TMTC1: variants seen among roughly 807,000 people sequenced by gnomAD.
TMTC1 encodes protein O-mannosyl-transferase TMTC1.
TMTC1 carries 73 observed loss-of-function variants against 104.8 expected under a neutral mutation model. That is an observed-to-expected ratio of 0.70 (90% CI 0.58 to 0.85). The LOEUF is 0.85. Among genes scored for constraint, TMTC1 ranks in the 40% least tolerant of loss-of-function variants. The pLI is 0.00. For missense variants in TMTC1, 1,035 were observed against 1,096.1 expected (o/e 0.94, Z 0.79); for synonymous variants, 434 against 428.7 (o/e 1.01, Z -0.15).
chr12:29,584,510 T>C (rs1025665251), intron 7 of TMTC1, among the ~76,000 whole-genome samples: 1 of 152,156 alleles, frequency 6.6e-6, no homozygotes, highest in Non-Finnish European at 1.5e-5. Context: ...GTTACATATG[T>C]ATACATGTGT....
chr12:29,522,584 G>GTGTGTGTA lies in TMTC1; in HGVS notation c.1786-1865_1786-1864insTACACACA, dbSNP rs1369648355. 7.2e-3 allele frequency among the ~76,000 whole-genome samples: 1,083 copies of GTGTGTGTA among 151,038 alleles called. 19 individuals are homozygous for GTGTGTGTA. The highest frequency in any genetic ancestry group is 0.01 in the Non-Finnish European group (677 of 67,690). Reference sequence around the variant, plus strand: ...TGTGTGTGTGTGTGTGTGTGTGTGTGTGTAATGAAGACAGGCAGAACAGAA... The same window carrying GTGTGTGTA: ...TGTGTGTGTGTGTGTGTGTGTGTGTGTGTGTGTATGTAATGAAGACAGGCAGAACAGAA... On this transcript the variant is annotated intron_variant, in intron 11 of 17. Coordinates refer to ENST00000539277, the MANE Select transcript of TMTC1 (RefSeq NM_001193451.2).
At chr12:29,533,048 A>C (rs901352270) in intron 11 of TMTC1, 2 of 152,182 alleles carry the variant, frequency 1.3e-5, no homozygotes, top group African/African-American at 4.8e-5. Flanking sequence ...GAATGCATAG[A>C]AAAGCCTTTT....
At chr12:29,580,083 G>A (rs1436301243) in intron 8 of TMTC1, among the ~76,000 whole-genome samples, 12 of 152,160 alleles carry the variant, frequency 7.9e-5, no homozygotes, top group African/African-American at 2.4e-4. Context: ...GCCCATGTCT[G>A]TAATCCCAGC....
intron 5 of TMTC1, among the ~76,000 whole-genome samples, chr12:29,673,115 G>C (rs1043903046): frequency 6.6e-6 from 1 of 152,088 alleles, no homozygotes; most frequent in South Asian, 2.1e-4. Context: ...GAAGATTTCA[G>C]TTTTATTTCA....
At position 29,526,824 on chromosome 12, in the gene TMTC1, T is replaced by C. The variant is rs568324268; in HGVS notation, c.1786-6104A>G. On this transcript the variant is annotated intron_variant, in intron 11 of 17. Transcript: ENST00000539277. The stretch of plus-strand genomic sequence containing the variant: ...TTTTTTCTCCTGTGGCCTATAATAA[T>C]TTAATATAATAACCATAATTATGAT... Among the ~76,000 whole-genome samples, 3 of 152,306 alleles carry C rather than the reference T, an allele frequency of 2.0e-5. No individual in the cohort carries two copies. In the East Asian group the frequency reaches 5.8e-4, roughly 29 times the overall value.
intron 2 of TMTC1, among the ~76,000 whole-genome samples, chr12:29,760,438 C>A (rs569563753): frequency 1.3e-5 from 2 of 152,196 alleles, no homozygotes; most frequent in African/African-American, 4.8e-5. Context: ...GATGCTAAAC[C>A]TAGGGCATGA....
intron 7 of TMTC1, among the ~76,000 whole-genome samples, chr12:29,585,937 C>T (rs1946121586): frequency 6.6e-6 from 1 of 151,486 alleles, no homozygotes; most frequent in African/African-American, 2.4e-5. Flanking sequence ...TTTTTGGTTC[C>T]ATATGAACTT....
chr12:29,635,058 T>C lies in TMTC1; in HGVS notation c.939-1722A>G, dbSNP rs76686123. Among the ~76,000 whole-genome samples the C allele has an allele frequency of 5.1e-3, 771 of 152,326 alleles. 16 individuals carry two copies. The East Asian group carries it at 0.067, about 13-fold the overall frequency. The stretch of plus-strand genomic sequence containing the variant: ...ACAAAGACATGGGTTGAAAGAGGCA[T>C]GGCTATTTAAATGATGTTCAACTCT... On this transcript the variant is annotated intron_variant, in intron 5 of 17. Coordinates refer to ENST00000539277, the MANE Select transcript of TMTC1 (RefSeq NM_001193451.2).
intron 2 of TMTC1, among the ~76,000 whole-genome samples, chr12:29,763,368 T>C (rs910909915): frequency 4.6e-5 from 7 of 152,188 alleles, no homozygotes; most frequent in African/African-American, 1.7e-4. Context: ...AGCCTAGATA[T>C]CTAAAAACAG....
At chr12:29,731,099 G>A (rs919592485) in intron 5 of TMTC1, among the ~76,000 whole-genome samples, 10 of 152,142 alleles carry the variant, frequency 6.6e-5, no homozygotes, top group Non-Finnish European at 1.2e-4. Flanking sequence ...CAGTGAACTC[G>A]TTTTTACTAA....
intron 5 of TMTC1, among the ~76,000 whole-genome samples, chr12:29,732,824 C>A (rs1452887386): frequency 6.6e-6 from 1 of 152,094 alleles, no homozygotes; most frequent in East Asian, 1.9e-4. Context: ...GAGGCCACTC[C>A]CCACATCCCC....
At position 29,742,176 on chromosome 12, in the gene TMTC1, G is replaced by C. The variant is rs561777865; in HGVS notation, c.938+9490C>G. Among the ~76,000 whole-genome samples the C allele has an allele frequency of 6.6e-5, 10 of 152,208 alleles. No homozygotes were observed. The East Asian group carries it at 1.3e-3, about 21-fold the overall frequency. On this transcript the variant is annotated intron_variant, in intron 5 of 17. Coordinates refer to ENST00000539277, the MANE Select transcript of TMTC1 (RefSeq NM_001193451.2). Reference sequence around the variant, plus strand: ...ACTGAAATATATTGGTTTTTGATTAGTTACCTAGAGCATGTCTAGCTCTTA... The same window carrying C: ...ACTGAAATATATTGGTTTTTGATTACTTACCTAGAGCATGTCTAGCTCTTA...
At chr12:29,650,152 C>T (rs1939448837) in intron 5 of TMTC1, among the ~76,000 whole-genome samples, 1 of 151,124 alleles carries the variant, frequency 6.6e-6, no homozygotes, top group African/African-American at 2.4e-5. Context: ...GGCACGATCT[C>T]AGCTCACTGC....
intron 9 of TMTC1, among the ~76,000 whole-genome samples, chr12:29,559,605 C>T (rs764511729): frequency 5.9e-5 from 9 of 152,176 alleles, no homozygotes; most frequent in Admixed American, 1.3e-4. Context: ...GCTGCAGAAA[C>T]GTGATGCTCA....
At chr12:29,612,522 T>A (rs1413761578) in intron 6 of TMTC1, among the ~76,000 whole-genome samples, 2 of 152,190 alleles carry the variant, frequency 1.3e-5, no homozygotes, top group Admixed American at 1.3e-4. Flanking sequence ...TCAAGCAATT[T>A]TCCCATCTCA....
intron 5 of TMTC1, among the ~76,000 whole-genome samples, chr12:29,656,466 T>G (rs376595937): frequency 6.6e-6 from 1 of 151,712 alleles, no homozygotes; most frequent in Non-Finnish European, 1.5e-5. Context: ...GCGATTCTCC[T>G]GCTTCAGCCT....
rs780703515 is a variant in TMTC1 at position 29,583,418 on chromosome 12, C to A, written c.1407G>T (p.Glu469Asp). 3.7e-6 allele frequency: 6 copies of A among 1,613,830 alleles called. No homozygotes were observed. Among genetic ancestry groups the A allele is most frequent in the Admixed American group, 1.7e-5 (1 of 60,002 alleles). ...CTGTCTAGTCATACCTGAATAGGGACTCTCTTGACAGCCAAATTTCATTCT... is the reference window on the plus strand; with the variant it reads ...CTGTCTAGTCATACCTGAATAGGGAATCTCTTGACAGCCAAATTTCATTCT... ...VKQNEIWLSRESLFRSGVQTL... is the reference protein window; with the variant it reads ...VKQNEIWLSRDSLFRSGVQTL... Residue 469 changes from glutamate (E) to aspartate (D), a missense_variant, in exon 8 of 18, where the codon GAG (glutamate) becomes GAT (aspartate). Transcript: ENST00000539277.
chr12:29,750,943 C>A (rs1013556535), intron 5 of TMTC1, among the ~76,000 whole-genome samples: 3 of 152,236 alleles, frequency 2.0e-5, no homozygotes, highest in Non-Finnish European at 2.9e-5. Context: ...TAAAAGCTTC[C>A]CCACACCCTG....
intron 5 of TMTC1, among the ~76,000 whole-genome samples, chr12:29,712,667 T>G (rs182723599): frequency 6.6e-6 from 1 of 152,338 alleles, no homozygotes; most frequent in Admixed American, 6.5e-5. Context: ...CCTTCTACAT[T>G]CAATCTGCTG....
Sources: allele counts gnomAD v4.1 joint callset (sites outside exome capture counted in the v4.1 genomes callset), GRCh38; gene constraint gnomAD v4.1.1; transcripts MANE v1.5; gene names NCBI Gene and HGNC (gene_info 2026-07-23, HGNC 2026-07-21).